The following RIMS2 variants were observed in gnomAD, a reference collection of about 807,000 sequenced individuals.
RIMS2 encodes the protein regulating synaptic membrane exocytosis 2, also known as regulating synaptic membrane exocytosis protein 2.
RIMS2 carries 59 observed loss-of-function variants against 174.4 expected under a neutral mutation model. The observed-to-expected ratio is 0.34, with a 90% CI of 0.27 to 0.42. The LOEUF (loss-of-function observed/expected upper bound fraction) is 0.42. Among genes scored for constraint, RIMS2 ranks in the 10% least tolerant of loss-of-function variants. The pLI is 1.00. For missense variants in RIMS2, 1,620 were observed against 1,666.3 expected (o/e 0.97, Z 0.48); for synonymous variants, 606 against 572.5 (o/e 1.06, Z -0.84).
intron 1 of RIMS2, among the ~76,000 whole-genome samples, chr8:103,691,159 CT>C (rs2097019229): frequency 6.6e-6 from 1 of 152,018 alleles, no homozygotes. Context: ...TATTAAATGC[CT>C]TGAGGTAGTC....
In RIMS2 at chr8:104,218,015, G is replaced by A. The variant is rs115765498; in HGVS notation, c.3335-26901G>A. 4.6e-3 allele frequency among the ~76,000 whole-genome samples: 693 copies of A among 152,256 alleles called. 9 individuals carry two copies. Among genetic ancestry groups the A allele is most frequent in the African/African-American group, 0.016 (652 of 41,552 alleles). On this transcript the variant is annotated intron_variant, in intron 19 of 23. Coordinates refer to ENST00000504942, the Ensembl canonical transcript of RIMS2. ...TTAGCATAAAGACACTTGTATGTGAGGAATTAAGTCACAGTCACAGGTAAT... is the reference window on the plus strand; with the variant it reads ...TTAGCATAAAGACACTTGTATGTGAAGAATTAAGTCACAGTCACAGGTAAT...
At chr8:103,629,784 A>G (rs2095868449) in intron 1 of RIMS2, among the ~76,000 whole-genome samples, 1 of 152,132 alleles carries the variant, frequency 6.6e-6, no homozygotes, top group Non-Finnish European at 1.5e-5. Context: ...GATGAGCTCA[A>G]TAGCAGGACA....
exon 8 of RIMS2, chr8:103,916,417 A>G: frequency 6.2e-7 from 1 of 1,604,116 alleles, no homozygotes; most frequent in Non-Finnish European, 8.5e-7. Context: ...ACTATAGGTG[A>G]TGAAGTATTA....
At chr8:103,704,361 A>G (rs983607739) in intron 2 of RIMS2, among the ~76,000 whole-genome samples, 5 of 151,666 alleles carry the variant, frequency 3.3e-5, no homozygotes, top group Non-Finnish European at 7.4e-5. Context: ...TCAGTTTGCT[A>G]GAATGTTTTT....
intron 1 of RIMS2, among the ~76,000 whole-genome samples, chr8:103,550,282 A>G (rs1847134334): frequency 6.6e-6 from 1 of 152,250 alleles, no homozygotes; most frequent in African/African-American, 2.4e-5. Flanking sequence ...CAATCAAACT[A>G]GAACTCAGGA....
At chr8:103,741,821 G>A (rs1187473788) in intron 2 of RIMS2, among the ~76,000 whole-genome samples, 1 of 152,032 alleles carries the variant, frequency 6.6e-6, no homozygotes, top group Non-Finnish European at 1.5e-5. Flanking sequence ...AAACATATGA[G>A]CTAATTTCCA....
At chr8:103,978,370 A>G (rs1028188401) in intron 16 of RIMS2, among the ~76,000 whole-genome samples, 1 of 151,736 alleles carries the variant, frequency 6.6e-6, no homozygotes, top group Non-Finnish European at 1.5e-5. Flanking sequence ...TAGTCAGAGG[A>G]AAAAAAAATG....
Position 103,543,814 on chromosome 8 carries a change from C to T in RIMS2, c.176+42752C>T, listed in dbSNP as rs561589556. On this transcript the variant is annotated intron_variant, in intron 1 of 23. Transcript: ENST00000504942. ...CACATGTAGAAGAATAAAATTAGAC[C>T]CTGATGTCACACCATGTGCAAAAAT... Among the ~76,000 whole-genome samples, 16 of 152,164 alleles carry T rather than the reference C, an allele frequency of 1.1e-4. No homozygotes were observed. In the Middle Eastern group the frequency reaches 0.014, roughly 129 times the overall value.
intron 1 of RIMS2, among the ~76,000 whole-genome samples, chr8:103,623,202 G>C (rs1032079956): frequency 6.6e-6 from 1 of 152,112 alleles, no homozygotes; most frequent in Non-Finnish European, 1.5e-5. Flanking sequence ...TTTTATGCTA[G>C]CCCTAACATT....
At chr8:104,070,517 A>G (rs962535124) in intron 19 of RIMS2, among the ~76,000 whole-genome samples, 1 of 152,222 alleles carries the variant, frequency 6.6e-6, no homozygotes, top group African/African-American at 2.4e-5. Flanking sequence ...GTTGGATATC[A>G]GAAATGATAT....
intron 3 of RIMS2, among the ~76,000 whole-genome samples, chr8:103,813,608 T>C (rs1039961640): frequency 6.6e-6 from 1 of 152,104 alleles, no homozygotes; most frequent in Non-Finnish European, 1.5e-5. Flanking sequence ...TGTGTCCAAG[T>C]GCTCTCGTTG....
chr8:103,616,271 CAT>C (rs929378455), intron 1 of RIMS2, among the ~76,000 whole-genome samples: 27 of 152,094 alleles, frequency 1.8e-4, no homozygotes, highest in African/African-American at 5.3e-4. Context: ...CAAAAAAACA[CAT>C]GATTGTCTCA....
At chr8:103,804,467 T>A (rs970833864) in intron 3 of RIMS2, among the ~76,000 whole-genome samples, 1 of 149,646 alleles carries the variant, frequency 6.7e-6, no homozygotes, top group Non-Finnish European at 1.5e-5. Context: ...CAAGATTATA[T>A]AAGGTAACAT....
rs1597807367 is a variant in RIMS2 at position 104,052,477 on chromosome 8, G to C, written c.3334+37862G>C. The stretch of plus-strand genomic sequence containing the variant: ...AAAGTGAAAGGACAAGATGACTAAG[G>C]GGTTTAGCTAGAAATCAAAGAAGGG... On this transcript the variant is annotated intron_variant, in intron 19 of 23. Transcript: ENST00000504942. Among the ~76,000 whole-genome samples, 2 of 152,070 alleles carry C rather than the reference G, an allele frequency of 1.3e-5. 1 individual carries two copies. The highest frequency in any genetic ancestry group is 4.1e-4 in the South Asian group (2 of 4,820).
chr8:103,777,652 A>G (rs960763218), intron 3 of RIMS2, among the ~76,000 whole-genome samples: 7 of 151,972 alleles, frequency 4.6e-5, no homozygotes, highest in African/African-American at 1.7e-4. Context: ...CTTTATGCTA[A>G]TTAGGGTTGA....
At chr8:103,532,907 T>A (rs1244969658) in intron 1 of RIMS2, among the ~76,000 whole-genome samples, 4 of 152,166 alleles carry the variant, frequency 2.6e-5, no homozygotes, top group Non-Finnish European at 5.9e-5. Context: ...AATGTGACTT[T>A]AAAGTACAGT....
intron 1 of RIMS2, among the ~76,000 whole-genome samples, chr8:103,591,568 T>C (rs1024833901): frequency 3.3e-5 from 5 of 151,308 alleles, no homozygotes; most frequent in Admixed American, 2.0e-4. Context: ...TAATCCGTGT[T>C]GAATTAATTA....
At chr8:104,199,045 ATTTTATT>A (rs1371729142) in intron 19 of RIMS2, among the ~76,000 whole-genome samples, 1 of 10,416 alleles carries the variant, frequency 9.6e-5, no homozygotes, top group East Asian at 6.5e-3. Context: ...TATAACTTTT[ATTTTATT>A]TTATTTTATT....
At chr8:103,695,997 TTTG>T (rs2097096559) in intron 1 of RIMS2, among the ~76,000 whole-genome samples, 1 of 152,224 alleles carries the variant, frequency 6.6e-6, no homozygotes, top group South Asian at 2.1e-4. Flanking sequence ...TTGTGTTTAA[TTTG>T]TTGTCTCTCA....
Sources: allele counts gnomAD v4.1 joint callset (sites outside exome capture counted in the v4.1 genomes callset), GRCh38; gene constraint gnomAD v4.1.1; transcripts MANE v1.5; gene names NCBI Gene and HGNC (gene_info 2026-07-23, HGNC 2026-07-21).